The following FMN2 variants were observed in gnomAD, a reference collection of about 807,000 sequenced individuals.
FMN2 encodes formin 2, also known as formin-2.
A neutral mutation model predicts 142.3 loss-of-function variants in FMN2; 51 were observed. That is an observed-to-expected ratio of 0.36 (90% CI 0.29 to 0.45). The LOEUF is 0.45. Ranked by LOEUF, FMN2 falls within the 20% of genes least tolerant of loss-of-function variation. FMN2 has a pLI of 1.00. For missense variants in FMN2, 1,936 were observed against 2,122.8 expected, an observed-to-expected ratio of 0.91 and a Z score of 1.73; for synonymous variants, 882 against 869.8, an observed-to-expected ratio of 1.01 and a Z score of -0.25.
chr1:240,210,938 A>T (rs1666667103), intron 5 of FMN2, among the ~76,000 whole-genome samples, 153 bp from the exon 6 acceptor site: 2 of 152,208 alleles, frequency 1.3e-5, no homozygotes, highest in Admixed American at 1.3e-4. Flanking sequence ...GTGGTCTTAA[A>T]GAAAAAGAAT....
intron 7 of FMN2, among the ~76,000 whole-genome samples, chr1:240,286,875 T>C (rs1669608613): frequency 1.3e-5 from 2 of 152,192 alleles, no homozygotes; most frequent in Admixed American, 6.5e-5. Flanking sequence ...AACGCAGTTC[T>C]TTCTGCTGTT....
chr1:240,164,359 T>A (rs1664395740), intron 2 of FMN2, among the ~76,000 whole-genome samples: 1 of 152,216 alleles, frequency 6.6e-6, no homozygotes, highest in Admixed American at 6.5e-5. Flanking sequence ...CACATTGTTA[T>A]TTTATTTTAA....
At chr1:240,440,563 T>C (rs1558108418) in intron 16 of FMN2, among the ~76,000 whole-genome samples, 1 of 152,314 alleles carries the variant, frequency 6.6e-6, no homozygotes, top group Middle Eastern at 3.4e-3. Flanking sequence ...GGTTCACACT[T>C]GGTGAACTTA....
intron 7 of FMN2, among the ~76,000 whole-genome samples, chr1:240,272,104 G>T (rs1299460278): frequency 2.0e-5 from 3 of 152,056 alleles, no homozygotes; most frequent in South Asian, 2.1e-4. Flanking sequence ...TTATTTGTTT[G>T]TTTGTTTTGG....
intron 8 of FMN2, among the ~76,000 whole-genome samples, chr1:240,298,253 C>A (rs1670062121): frequency 6.6e-6 from 1 of 152,142 alleles, no homozygotes; most frequent in Non-Finnish European, 1.5e-5. Flanking sequence ...CAGGTTAGCC[C>A]TCTGCAGTAC....
chr1:240,395,043 T>C (rs1673729680), intron 15 of FMN2, among the ~76,000 whole-genome samples: 1 of 152,196 alleles, frequency 6.6e-6, no homozygotes, highest in Non-Finnish European at 1.5e-5. Flanking sequence ...TAGGGGATAA[T>C]GCAGCTGGTA....
At chr1:240,467,034 T>C (rs1676645532) in intron 16 of FMN2, among the ~76,000 whole-genome samples, 1 of 152,180 alleles carries the variant, frequency 6.6e-6, no homozygotes, top group Non-Finnish European at 1.5e-5. Context: ...GAGTTTCTGC[T>C]TAAGGTAGGC....
At chr1:240,460,225 A>G (rs1375799069) in intron 16 of FMN2, among the ~76,000 whole-genome samples, 1 of 152,258 alleles carries the variant, frequency 6.6e-6, no homozygotes, top group African/African-American at 2.4e-5. Context: ...TTGCTAAAAG[A>G]CATGCATCCA....
chr1:240,395,803 G>A (rs1023824884), intron 15 of FMN2, among the ~76,000 whole-genome samples: 4 of 152,174 alleles, frequency 2.6e-5, no homozygotes, highest in African/African-American at 7.2e-5. Context: ...TGCTATGAAC[G>A]TTGTTGAAAT....
chr1:240,460,722 G>GAAA (rs1553267952), intron 16 of FMN2, among the ~76,000 whole-genome samples: 1 of 151,418 alleles, frequency 6.6e-6, no homozygotes, highest in African/African-American at 2.4e-5. Context: ...AAGCAAGAAA[G>GAAA]TAAAATATTA....
chr1:240,352,722 A>T (rs73126251), intron 13 of FMN2, among the ~76,000 whole-genome samples: 1 of 152,240 alleles, frequency 6.6e-6, no homozygotes, highest in Non-Finnish European at 1.5e-5. Context: ...CTTGTCTTCC[A>T]TATATTCAGT....
At chr1:240,388,877 A>AGGGG (rs1245822995) in intron 14 of FMN2, among the ~76,000 whole-genome samples, 13 of 135,764 alleles carry the variant, frequency 9.6e-5, no homozygotes, top group African/African-American at 3.3e-4. Flanking sequence ...AAAAAAAAAA[A>AGGGG]GGGGGGGGGT....
At chr1:240,303,489 C>T (rs1331938755) in intron 8 of FMN2, among the ~76,000 whole-genome samples, 2 of 152,180 alleles carry the variant, frequency 1.3e-5, no homozygotes, top group Non-Finnish European at 2.9e-5. Flanking sequence ...AGACCACTGC[C>T]TTCTGGTCTC....
chr1:240,206,692 T>C (rs1172209350), intron 4 of FMN2, 107 bp from the exon 5 acceptor site: 1 of 1,292,686 alleles, frequency 7.7e-7, no homozygotes, highest in Non-Finnish European at 1.1e-6. Context: ...TGTCAAGGAG[T>C]CCTTCTGGAA....
At chr1:240,312,045 C>T (rs1405177252) in intron 8 of FMN2, among the ~76,000 whole-genome samples, 1 of 152,184 alleles carries the variant, frequency 6.6e-6, no homozygotes, top group African/African-American at 2.4e-5. Context: ...AAAAGGCTGA[C>T]ATTGTAGAGC....
intron 15 of FMN2, among the ~76,000 whole-genome samples, chr1:240,408,457 A>G (rs1674286634): frequency 1.3e-5 from 2 of 152,200 alleles, no homozygotes; most frequent in Admixed American, 6.5e-5. Flanking sequence ...CATAATAAAG[A>G]CATTGTGATA....
At chr1:240,102,835 C>T (rs562772210) in intron 1 of FMN2, among the ~76,000 whole-genome samples, 2 of 150,824 alleles carry the variant, frequency 1.3e-5, no homozygotes, top group South Asian at 2.1e-4. Context: ...GGGCTGACAA[C>T]GTGATATCAG....
chr1:240,283,790 T>C (rs913996010), intron 7 of FMN2, among the ~76,000 whole-genome samples: 2 of 152,042 alleles, frequency 1.3e-5, no homozygotes, highest in Non-Finnish European at 2.9e-5. Flanking sequence ...TTTTGGAGAT[T>C]ACTTAGACTG....
At chr1:240,471,282 TGC>T (rs1163733205) in intron 16 of FMN2, among the ~76,000 whole-genome samples, 1 of 152,256 alleles carries the variant, frequency 6.6e-6, no homozygotes, top group Non-Finnish European at 1.5e-5. Flanking sequence ...AAGTATTTAT[TGC>T]AAGTGATTTG....
Sources: allele counts gnomAD v4.1 joint callset (sites outside exome capture counted in the v4.1 genomes callset), GRCh38; gene constraint gnomAD v4.1.1; transcripts MANE v1.5; gene names NCBI Gene and HGNC (gene_info 2026-07-23, HGNC 2026-07-21).